UBN2: variants seen among roughly 807,000 people sequenced by gnomAD.
The protein encoded by UBN2 is ubinuclein 2.
A neutral mutation model predicts 120.2 loss-of-function variants in UBN2; 35 were observed. That is an observed-to-expected ratio of 0.29 (90% CI 0.22 to 0.39). UBN2 has a LOEUF of 0.39. Ranked by LOEUF, UBN2 falls within the 10% of genes least tolerant of loss-of-function variation. The probability of loss-of-function intolerance (pLI) is 1.00; values close to 1 mark genes in which losing one functional copy is unlikely to be tolerated. For missense variants in UBN2, 1,693 were observed against 1,663.2 expected (o/e 1.02, Z -0.31); for synonymous variants, 661 against 648.7 (o/e 1.02, Z -0.29).
chr7:139,278,122 G>T (rs1442066386), intron 12 of UBN2, among the ~76,000 whole-genome samples: 3 of 151,164 alleles, frequency 2.0e-5, no homozygotes, highest in African/African-American at 7.3e-5. Context: ...TACAAATAAT[G>T]CATTCCTTTA....
intron 17 of UBN2, 82 bp downstream of exon 17, chr7:139,294,063 A>G (rs1798040760): frequency 2.1e-6 from 3 of 1,422,284 alleles, no homozygotes; most frequent in South Asian, 2.4e-5. Context: ...AACAATGTGA[A>G]TGGAATGACA....
At chr7:139,327,164 G>A in the UBN2 span, among the ~76,000 whole-genome samples, 1 of 152,136 alleles carries the variant, frequency 6.6e-6, no homozygotes, top group Admixed American at 6.5e-5. Flanking sequence ...CTCCTGAGTA[G>A]CTAGGATTAC....
rs1554480228 is a variant in UBN2 at position 139,304,706 on chromosome 7, G to GGGGTGTGTGTGTGT, written c.*6871_*6872insGGTGTGTGTGTGTG. The GGGGTGTGTGTGTGT allele has an allele frequency of 1.3e-4, 18 of 140,480 alleles. No homozygotes were observed. Among genetic ancestry groups the GGGGTGTGTGTGTGT allele is most frequent in the African/African-American group, 4.5e-4 (17 of 38,132 alleles). 8.7% of individuals were successfully genotyped at this position (140,480 alleles called of 1,614,324 possible). On this transcript the variant is annotated 3_prime_UTR_variant, in exon 18 of 18. Transcript: ENST00000473989. ...AGGTCCACTGAATCTCTAATGATAGGGTGTGTGTGTGTGTGTGTGTGTGTG... is the reference window on the plus strand; with the variant it reads ...AGGTCCACTGAATCTCTAATGATAGGGGGTGTGTGTGTGTGTGTGTGTGTGTGTGTGTGTGTGTG...
At chr7:139,258,979 A>G (rs796498858) in intron 4 of UBN2, among the ~76,000 whole-genome samples, 3 of 152,290 alleles carry the variant, frequency 2.0e-5, no homozygotes, top group African/African-American at 7.2e-5. Context: ...TCTTTGGGAA[A>G]GATATAGTGT....
intron 4 of UBN2, among the ~76,000 whole-genome samples, 200 bp from the exon 5 acceptor site, chr7:139,259,066 CA>C (rs1469725533): frequency 6.6e-6 from 1 of 152,136 alleles, no homozygotes; most frequent in Non-Finnish European, 1.5e-5. Flanking sequence ...GTTTAAAATG[CA>C]AATTATAAGG....
Position 139,297,921 on chromosome 7 carries a change from GCTGTTT to G in UBN2, c.*90_*95del. 1 of 1,426,126 alleles carries G rather than the reference GCTGTTT, an allele frequency of 7.0e-7. No individual in the cohort carries two copies. 88.3% of individuals were successfully genotyped at this position (1,426,126 alleles called of 1,614,324 possible). A position where few individuals can be genotyped will look rare whatever the true frequency, so the allele number is the denominator to read the frequency against. ...AAAGTACTTATGTGGTCATAGGGCT[GCTGTTT>G]CTGTCGATGTTTACATTCTCTCGTC... On this transcript the variant is annotated 3_prime_UTR_variant, in exon 18 of 18. Transcript: ENST00000473989.
the UBN2 span, among the ~76,000 whole-genome samples, chr7:139,320,153 A>G: frequency 6.6e-6 from 1 of 151,998 alleles, no homozygotes; most frequent in East Asian, 1.9e-4. Flanking sequence ...ACATCTAATT[A>G]TCCATAATTT....
At chr7:139,316,679 G>A in the UBN2 span, among the ~76,000 whole-genome samples, 4 of 152,052 alleles carry the variant, frequency 2.6e-5, no homozygotes, top group Admixed American at 2.0e-4. Flanking sequence ...AGGAGGCAGA[G>A]GTTGCAGTGA....
intron 7 of UBN2, among the ~76,000 whole-genome samples, 190 bp from the exon 8 acceptor site, chr7:139,269,204 T>C (rs1474578441): frequency 6.6e-6 from 1 of 152,120 alleles, no homozygotes. Flanking sequence ...AACAAAACTC[T>C]GTCTCTAAAT....
intron 2 of UBN2, among the ~76,000 whole-genome samples, chr7:139,249,032 G>A (rs1211476806): frequency 1.3e-5 from 2 of 152,046 alleles, no homozygotes. Flanking sequence ...GTGTGTGTGT[G>A]TGTATGCATG....
At chr7:139,282,269 C>G (rs867503169) in intron 14 of UBN2, among the ~76,000 whole-genome samples, 3 of 152,078 alleles carry the variant, frequency 2.0e-5, no homozygotes, top group Non-Finnish European at 4.4e-5. Context: ...ATAAACTGTG[C>G]TCTAGTTCTT....
rs1798326673 is a variant in UBN2, at chr7:139,304,677, G to T, written c.*6841G>T. 6.7e-6 allele frequency: 1 copy of T among 148,592 alleles called. No individual in the cohort carries two copies. The highest frequency in any genetic ancestry group is 1.5e-5 in the Non-Finnish European group (1 of 67,840). The allele number at this position is 148,592 out of a possible 1,614,324, so 9.2% of individuals were successfully genotyped here. A position where few individuals can be genotyped will look rare whatever the true frequency, so the allele number is the denominator to read the frequency against. On this transcript the variant is annotated 3_prime_UTR_variant, in exon 18 of 18. Coordinates refer to ENST00000473989, the MANE Select transcript of UBN2 (RefSeq NM_173569.4). ...AGCATCTGGTTAATTTCCAGAATTG[G>T]CTAAGGTCCACTGAATCTCTAATGA...
chr7:139,297,279 C>T (rs1193339920), intron 17 of UBN2, among the ~76,000 whole-genome samples: 1 of 151,736 alleles, frequency 6.6e-6, no homozygotes, highest in East Asian at 1.9e-4. Flanking sequence ...AGCACACACT[C>T]AGCTGGATGT....
At chr7:139,270,379 C>CT (rs1409449780) in intron 8 of UBN2, among the ~76,000 whole-genome samples, 5 of 151,636 alleles carry the variant, frequency 3.3e-5, no homozygotes, top group Non-Finnish European at 7.4e-5. Context: ...AGCAATTCTC[C>CT]TGTCTCAGCC....
chr7:139,232,031 G>C, intron 1 of UBN2, 79 bp downstream of exon 1: 1 of 1,437,640 alleles, frequency 7.0e-7, no homozygotes, highest in South Asian at 1.2e-5. Context: ...TTTGCACCTT[G>C]GGACGCCCAC....
At chr7:139,278,192 T>C (rs1247812155) in intron 12 of UBN2, among the ~76,000 whole-genome samples, 1 of 151,242 alleles carries the variant, frequency 6.6e-6, no homozygotes, top group East Asian at 1.9e-4. Context: ...TTTTTTTTTT[T>C]TTTTTTTGAG....
chr7:139,251,816 A>G, intron 2 of UBN2, 140 bp from the exon 3 acceptor site: 1 of 655,922 alleles, frequency 1.5e-6, no homozygotes, highest in South Asian at 1.9e-5. Context: ...TGCAATTTGC[A>G]TTCAAGGTGT....
At position 139,281,333 on chromosome 7, in the gene UBN2, A is replaced by T. The variant is rs1797601680; in HGVS notation, c.2068-672A>T. Among the ~76,000 whole-genome samples, 3 of 152,188 alleles carry T rather than the reference A, an allele frequency of 2.0e-5. No homozygotes were observed. In the South Asian group the frequency reaches 6.2e-4, roughly 31 times the overall value. On this transcript the variant is annotated intron_variant, in intron 13 of 17. Coordinates refer to ENST00000473989, the MANE Select transcript of UBN2 (RefSeq NM_173569.4). Reference sequence around the variant, plus strand: ...CATAGTGTTTCTAGTTATAAAGATAAGATAAGGAAATGCCTACAAAAGAAA... The same window carrying T: ...CATAGTGTTTCTAGTTATAAAGATATGATAAGGAAATGCCTACAAAAGAAA...
At chr7:139,246,129 C>T (rs1796461817) in intron 2 of UBN2, among the ~76,000 whole-genome samples, 1 of 152,078 alleles carries the variant, frequency 6.6e-6, no homozygotes, top group Non-Finnish European at 1.5e-5. Flanking sequence ...CTTTAGGAGG[C>T]CAAGGCGAGC....
Sources: gnomAD v4.1 joint callset for allele counts (sites outside exome capture counted in the v4.1 genomes callset) on GRCh38, gnomAD v4.1.1 for gene constraint, MANE v1.5 for transcripts, NCBI Gene and HGNC (gene_info 2026-07-23, HGNC 2026-07-21) for gene names.